FAM110B: variants seen among roughly 807,000 people sequenced by gnomAD.
The protein encoded by FAM110B is family with sequence similarity 110 member B, also known as protein FAM110B.
Under a neutral mutation model 20.4 loss-of-function variants are expected in FAM110B, and 6 were observed. The ratio of observed to expected loss-of-function variants is 0.29; its 90% CI spans 0.16 to 0.58. FAM110B has a LOEUF of 0.58. FAM110B is among the 20% of genes least tolerant of loss of function. The pLI, the probability that FAM110B is intolerant of heterozygous loss-of-function variation, is 0.90. For missense variants in FAM110B, 434 were observed against 498.2 expected (o/e 0.87, Z 1.23); for synonymous variants, 226 against 214.1 (o/e 1.06, Z -0.49).
At chr8:58,034,249 G>A (rs183788917) in intron 2 of FAM110B, among the ~76,000 whole-genome samples, 1 of 152,192 alleles carries the variant, frequency 6.6e-6, no homozygotes, top group South Asian at 2.1e-4. Context: ...TTTGGGTCTT[G>A]TGCTCCGGGT....
chr8:58,013,026 C>A (rs1048896679), intron 1 of FAM110B, among the ~76,000 whole-genome samples: 1 of 152,120 alleles, frequency 6.6e-6, no homozygotes, highest in Non-Finnish European at 1.5e-5. Flanking sequence ...GTGCTTCCCC[C>A]CGGGCTGTCA....
chr8:58,146,840 C>T lies in FAM110B; in HGVS notation c.610C>T (p.Arg204Cys), dbSNP rs1338161538. Residue 204 changes from arginine (R) to cysteine (C), a missense_variant, in exon 4 of 4, where the codon CGC becomes TGC. By Grantham distance (180) the Arg-to-Cys change is radical. Coordinates refer to ENST00000519262, the MANE Select transcript of FAM110B (RefSeq NM_001377989.1). Reference protein sequence around the residue: ...LHVSHSSSDIRKVTSVKPLKA... With the variant: ...LHVSHSSSDICKVTSVKPLKA... ...CGTGTCCCACAGCTCTTCGGACATCCGCAAGGTGACCAGCGTGAAGCCCCT... is the reference window on the plus strand; with the variant it reads ...CGTGTCCCACAGCTCTTCGGACATCTGCAAGGTGACCAGCGTGAAGCCCCT... The T allele has an allele frequency of 7.4e-6, 12 of 1,612,944 alleles. No homozygotes were observed. The highest frequency in any genetic ancestry group is 2.2e-5 in the East Asian group (1 of 44,868).
Position 58,144,390 on chromosome 8 carries a change from G to A in FAM110B, c.-324-1517G>A, listed in dbSNP as rs189692759. Among the ~76,000 whole-genome samples, 5 of 152,270 alleles carry A rather than the reference G, an allele frequency of 3.3e-5. No individual in the cohort carries two copies. In the East Asian group the frequency reaches 7.7e-4, roughly 23 times the overall value. ...AGAAACAATCTCATTTCATCTTAAT[G>A]GGAGGAGGTGTTTTTTGTTTTTTAT... On this transcript the variant is annotated intron_variant, in intron 3 of 3. Coordinates refer to ENST00000519262, the MANE Select transcript of FAM110B (RefSeq NM_001377989.1).
At chr8:58,011,109 T>C (rs923520768) in intron 1 of FAM110B, among the ~76,000 whole-genome samples, 2 of 152,212 alleles carry the variant, frequency 1.3e-5, no homozygotes, top group Non-Finnish European at 2.9e-5. Context: ...AGGAATCTAC[T>C]GAGCTCTTTA....
intron 2 of FAM110B, among the ~76,000 whole-genome samples, chr8:58,039,078 C>T (rs1216497796): frequency 1.3e-5 from 2 of 152,204 alleles, no homozygotes; most frequent in Non-Finnish European, 2.9e-5. Flanking sequence ...GTGTTTTTGA[C>T]AGAATTCCCT....
chr8:58,048,716 A>C (rs957039440), intron 2 of FAM110B, among the ~76,000 whole-genome samples: 2 of 152,224 alleles, frequency 1.3e-5, no homozygotes, highest in East Asian at 1.9e-4. Context: ...TTCTCACTAC[A>C]TTCAATCAGT....
chr8:58,082,428 T>G (rs978371356), intron 3 of FAM110B, among the ~76,000 whole-genome samples: 10 of 152,224 alleles, frequency 6.6e-5, no homozygotes, highest in African/African-American at 2.4e-4. Context: ...CATGTTGGCT[T>G]CTTATCCTTT....
intron 1 of FAM110B, among the ~76,000 whole-genome samples, chr8:58,006,919 A>ATATATATATATATATATC (rs1804419035): frequency 9.7e-6 from 1 of 102,816 alleles, no homozygotes; most frequent in Non-Finnish European, 1.9e-5. Context: ...ATATATATAT[A>ATATATATATATATATATC]TATATTTTTC....
At chr8:58,085,403 C>G (rs1161713164) in intron 3 of FAM110B, among the ~76,000 whole-genome samples, 1 of 152,180 alleles carries the variant, frequency 6.6e-6, no homozygotes, top group Non-Finnish European at 1.5e-5. Flanking sequence ...ATCCCAGCCA[C>G]TCGGGAGGCT....
intron 3 of FAM110B, among the ~76,000 whole-genome samples, chr8:58,144,870 T>C (rs1054759185): frequency 1.3e-5 from 2 of 152,180 alleles, no homozygotes; most frequent in African/African-American, 4.8e-5. Flanking sequence ...ATAAAAAGAC[T>C]CCTTACAGAA....
chr8:58,067,014 A>C (rs6471678), intron 2 of FAM110B, among the ~76,000 whole-genome samples: 5,537 of 152,304 alleles, frequency 0.036, 328 homozygotes, highest in African/African-American at 0.12. Flanking sequence ...TTTGACCAGC[A>C]ACTGAAACTG....
intron 3 of FAM110B, among the ~76,000 whole-genome samples, chr8:58,133,193 G>C (rs1351086216): frequency 6.7e-6 from 1 of 148,910 alleles, no homozygotes; most frequent in East Asian, 2.0e-4. Flanking sequence ...CCTCTTAAGT[G>C]AGCTCGATTT....
At chr8:58,065,464 G>T (rs940671845) in intron 2 of FAM110B, among the ~76,000 whole-genome samples, 1 of 152,110 alleles carries the variant, frequency 6.6e-6, no homozygotes, top group Non-Finnish European at 1.5e-5. Context: ...ATTAACATCC[G>T]AAAACATGGT....
intron 3 of FAM110B, among the ~76,000 whole-genome samples, chr8:58,132,219 C>T (rs1209622454): frequency 6.6e-6 from 1 of 152,034 alleles, no homozygotes; most frequent in African/African-American, 2.4e-5. Context: ...ACATCATCTT[C>T]CTGCCTCTCA....
At chr8:58,029,091 G>T (rs1241759351) in intron 1 of FAM110B, among the ~76,000 whole-genome samples, 1 of 152,216 alleles carries the variant, frequency 6.6e-6, no homozygotes, top group East Asian at 1.9e-4. Flanking sequence ...TTAATAAGCT[G>T]CTGACCTGGG....
chr8:58,016,622 G>T (rs771021308), intron 1 of FAM110B, among the ~76,000 whole-genome samples: 4 of 152,204 alleles, frequency 2.6e-5, no homozygotes, highest in Non-Finnish European at 4.4e-5. Flanking sequence ...GTCTCAGTTT[G>T]GCTAGCTACC....
chr8:58,054,441 C>T (rs1805513381), intron 2 of FAM110B, among the ~76,000 whole-genome samples: 1 of 152,192 alleles, frequency 6.6e-6, no homozygotes, highest in African/African-American at 2.4e-5. Context: ...TATACTTCTC[C>T]CTAATCCTCA....
chr8:58,083,202 T>C (rs1202024299), intron 3 of FAM110B, among the ~76,000 whole-genome samples: 1 of 152,068 alleles, frequency 6.6e-6, no homozygotes, highest in African/African-American at 2.4e-5. Flanking sequence ...GAAGCGCTAT[T>C]TCACTGAAAG....
chr8:58,054,332 A>C (rs1482770313), intron 2 of FAM110B, among the ~76,000 whole-genome samples: 2 of 152,216 alleles, frequency 1.3e-5, no homozygotes, highest in African/African-American at 4.8e-5. Flanking sequence ...AACTAGAAAC[A>C]GTCTACACCC....
Sources: gnomAD v4.1 joint callset for allele counts (sites outside exome capture counted in the v4.1 genomes callset) on GRCh38, gnomAD v4.1.1 for gene constraint, MANE v1.5 for transcripts, NCBI Gene and HGNC (gene_info 2026-07-23, HGNC 2026-07-21) for gene names.